The following SMN2 variants were observed in gnomAD, a reference collection of about 807,000 sequenced individuals.
SMN2 encodes survival of motor neuron 2, centromeric, also known as survival motor neuron protein.
SMN2 carries 1 observed loss-of-function variant against 2.8 expected under a neutral mutation model. The observed-to-expected ratio is 0.35, with a 90% CI of 0.13 to 1.68. The LOEUF (loss-of-function observed/expected upper bound fraction) is 1.68. Among genes scored for constraint, SMN2 ranks in the 40% most tolerant of loss-of-function variants. SMN2 has a pLI of 0.35. For synonymous variants in SMN2, 5 were observed against 5.0 expected, an observed-to-expected ratio of 0.99 and a Z score of 0.01; for missense variants, 12 against 16.9, an observed-to-expected ratio of 0.71 and a Z score of 0.51.
At chr5:70,084,062 G>A in the SMN2 span, among the ~76,000 whole-genome samples, 26 of 88,040 alleles carry the variant, frequency 3.0e-4, 2 homozygotes, top group Non-Finnish European at 4.1e-4. Flanking sequence ...TTAATGAATT[G>A]AGCTCTTGTG....
chr5:70,071,682 A>AT (rs1175361831), intron 7 of SMN2, among the ~76,000 whole-genome samples: 9 of 148,982 alleles, frequency 6.0e-5, no homozygotes, highest in Non-Finnish European at 8.9e-5. Context: ...CGCCCGGCTA[A>AT]TTTTTTTTTA....
chr5:70,081,935 T>C (rs1009421211), downstream of SMN2, among the ~76,000 whole-genome samples: 3 of 98,390 alleles, frequency 3.0e-5, no homozygotes, highest in East Asian at 9.3e-4. Flanking sequence ...ATCCCTGTCT[T>C]GTGCGTGTTT....
At chr5:70,052,550 A>G (rs954967202) in intron 1 of SMN2, among the ~76,000 whole-genome samples, 2 of 28,638 alleles carry the variant, frequency 7.0e-5, no homozygotes, top group African/African-American at 2.2e-4. Flanking sequence ...TTTAAAAAAA[A>G]AAAAAAAAAA....
At chr5:70,076,495 T>G (rs1774758583) in intron 7 of SMN2, 26 bp from the exon 8 acceptor site, 1 of 1,421,022 alleles carries the variant, frequency 7.0e-7, no homozygotes. Flanking sequence ...AGCTATTTTT[T>G]TTAACTTCCT....
chr5:70,075,724 A>G (rs1774730569), intron 7 of SMN2, among the ~76,000 whole-genome samples: 1 of 121,114 alleles, frequency 8.3e-6, no homozygotes, highest in Non-Finnish European at 1.7e-5. Flanking sequence ...CTCAGGCTGG[A>G]GTGCAAGGGC....
chr5:70,080,235 G>A (rs1277778527), downstream of SMN2, among the ~76,000 whole-genome samples: 14 of 135,080 alleles, frequency 1.0e-4, no homozygotes, highest in Non-Finnish European at 2.0e-4. Flanking sequence ...AGAGGCTGAA[G>A]CATGAGAATC....
downstream of SMN2, among the ~76,000 whole-genome samples, chr5:70,079,522 G>A (rs1298378202): frequency 7.6e-5 from 11 of 144,908 alleles, no homozygotes; most frequent in Admixed American, 5.4e-4. Flanking sequence ...TTGGGAGGAC[G>A]AGACAGGCGG....
chr5:70,076,504 C>T lies in SMN2; in HGVS notation c.835-17C>T, dbSNP rs1474350528. 7 of 1,441,126 alleles carry T rather than the reference C, an allele frequency of 4.9e-6. 2 individuals are homozygous for T. In the South Asian group the frequency reaches 8.3e-5, roughly 17 times the overall value. 89.3% of individuals were successfully genotyped at this position (1,441,126 alleles called of 1,614,324 possible). On this transcript the variant is annotated splice_polypyrimidine_tract_variant and intron_variant, in intron 7 of 8. Transcript: ENST00000380743. Reference sequence around the variant, plus strand: ...CTATATAGCTATTTTTTTTAACTTCCTTTATTTTCCTTACAGGGTTTTAGA... The same window carrying T: ...CTATATAGCTATTTTTTTTAACTTCTTTTATTTTCCTTACAGGGTTTTAGA...
chr5:70,075,219 G>GT lies in SMN2; in HGVS notation c.835-1290dup, dbSNP rs35556693. ...AGTTTTGTGTTTTGTTTTGTTTTTT[G>GT]TTTTTTTTTTTTGAGAGGGTGTCTT... On this transcript the variant is annotated intron_variant, in intron 7 of 8. Transcript: ENST00000380743. Among the ~76,000 whole-genome samples, 159 of 66,632 alleles carry GT rather than the reference G, an allele frequency of 2.4e-3. 9 individuals carry two copies. Among genetic ancestry groups the GT allele is most frequent in the Middle Eastern group, 0.012 (2 of 168 alleles). 43.7% of individuals were successfully genotyped at this position (66,632 alleles called of 152,430 possible).
the SMN2 span, among the ~76,000 whole-genome samples, chr5:70,084,559 A>G: frequency 7.3e-6 from 1 of 137,466 alleles, no homozygotes; most frequent in Non-Finnish European, 1.5e-5. Context: ...ATTTATACCA[A>G]CATGGAGAGT....
At chr5:70,083,812 G>A in the SMN2 span, among the ~76,000 whole-genome samples, 3,113 of 132,174 alleles carry the variant, frequency 0.024, 845 homozygotes, top group African/African-American at 0.1. Context: ...TGGGGTGGGG[G>A]GAGTGGGGAG....
chr5:70,083,953 A>G, the SMN2 span, among the ~76,000 whole-genome samples: 2 of 116,744 alleles, frequency 1.7e-5, 1 homozygote, highest in African/African-American at 8.9e-5. Flanking sequence ...AAAGTATAAT[A>G]ATAAAATAAA....
At chr5:70,083,794 G>T in the SMN2 span, among the ~76,000 whole-genome samples, 93 of 130,744 alleles carry the variant, frequency 7.1e-4, no homozygotes, top group Non-Finnish European at 1.2e-3. Flanking sequence ...ACACTCTTGG[G>T]ACTGTTGTGG....
the SMN2 span, among the ~76,000 whole-genome samples, chr5:70,085,455 CCA>C: frequency 8.0e-6 from 1 of 125,126 alleles, no homozygotes; most frequent in Non-Finnish European, 1.6e-5. Context: ...GTTGGGTAGG[CCA>C]GTCTTGAACT....
downstream of SMN2, among the ~76,000 whole-genome samples, chr5:70,079,222 C>G (rs1427300758): frequency 7.2e-6 from 1 of 139,516 alleles, no homozygotes; most frequent in African/African-American, 3.0e-5. Context: ...CACCTGAGAT[C>G]AGGAGTTCCA....
intron 7 of SMN2, among the ~76,000 whole-genome samples, chr5:70,072,700 CT>C (rs1345282600): frequency 2.5e-5 from 1 of 39,760 alleles, no homozygotes; most frequent in Non-Finnish European, 4.8e-5. Flanking sequence ...ACACTGTAGG[CT>C]TTTGTGTTTT....
At chr5:70,079,656 C>G (rs1774827475), downstream of SMN2, among the ~76,000 whole-genome samples, 1 of 137,088 alleles carries the variant, frequency 7.3e-6, no homozygotes. Flanking sequence ...ACTGGAGAGG[C>G]TGAGGCAAAA....
At chr5:70,085,009 C>G in the SMN2 span, among the ~76,000 whole-genome samples, 1 of 137,726 alleles carries the variant, frequency 7.3e-6, no homozygotes, top group Non-Finnish European at 1.5e-5. Flanking sequence ...AACAAGTGTC[C>G]TTTTTGAAAG....
At chr5:70,084,684 C>T in the SMN2 span, among the ~76,000 whole-genome samples, 2 of 137,810 alleles carry the variant, frequency 1.5e-5, no homozygotes, top group Non-Finnish European at 3.1e-5. Flanking sequence ...AAGTTCAGCA[C>T]CTTTTCATGT....
Sources: gnomAD v4.1 joint callset for allele counts (sites outside exome capture counted in the v4.1 genomes callset) on GRCh38, gnomAD v4.1.1 for gene constraint, MANE v1.5 for transcripts, NCBI Gene and HGNC (gene_info 2026-07-23, HGNC 2026-07-21) for gene names.